PRUNE1: variants seen among roughly 807,000 people sequenced by gnomAD.
PRUNE1 encodes the protein prune exopolyphosphatase 1.
Under a neutral mutation model 42.5 loss-of-function variants are expected in PRUNE1, and 25 were observed. That is an observed-to-expected ratio of 0.59 (90% CI 0.43 to 0.82). The LOEUF is 0.82. Ranked by LOEUF, PRUNE1 falls within the 40% of genes least tolerant of loss-of-function variation. The pLI is 0.00. For missense variants in PRUNE1, 443 were observed against 539.3 expected, an observed-to-expected ratio of 0.82 and a Z score of 1.77; for synonymous variants, 203 against 217.1, an observed-to-expected ratio of 0.93 and a Z score of 0.57.
chr1:151,029,431 A>G (rs1675095822), intron 7 of PRUNE1, among the ~76,000 whole-genome samples: 3 of 147,696 alleles, frequency 2.0e-5, no homozygotes, highest in East Asian at 4.0e-4. Flanking sequence ...GCAGTGGCAC[A>G]ATCTCGGCTC....
At position 151,017,904 on chromosome 1, in the gene PRUNE1, G is replaced by T; in HGVS notation, c.132G>T (p.Lys44Asn). Reference protein sequence around the residue: ...SALALAFYLAKTTEAEEVFVP... With the variant: ...SALALAFYLANTTEAEEVFVP... The stretch of plus-strand genomic sequence containing the variant: ...TTGCCCTGGCTTTTTACCTAGCAAA[G>T]GTGGGTAAAAAAACGTAGTACCTAG... Residue 44 changes from lysine (K) to asparagine (N), a missense_variant and splice_region_variant, in exon 2 of 8, where the codon AAG (lysine) becomes AAT (asparagine). Transcript: ENST00000271620. 1 of 1,568,256 alleles carries T rather than the reference G, an allele frequency of 6.4e-7. No individual in the cohort carries two copies. The highest frequency in any genetic ancestry group is 8.8e-7 in the Non-Finnish European group (1 of 1,138,852).
At chr1:151,025,158 T>A (rs1571801062) in intron 4 of PRUNE1, among the ~76,000 whole-genome samples, 1 of 150,150 alleles carries the variant, frequency 6.7e-6, no homozygotes, top group Non-Finnish European at 1.5e-5. Flanking sequence ...TTTCCACTTG[T>A]AAAAAAAAAG....
chr1:151,011,420 A>G (rs1218220579), intron 1 of PRUNE1, among the ~76,000 whole-genome samples: 1 of 152,102 alleles, frequency 6.6e-6, no homozygotes, highest in Non-Finnish European at 1.5e-5. Flanking sequence ...GCTGCATTGC[A>G]GTTTAGGTGT....
At chr1:151,026,535 G>A (rs920397302) in intron 5 of PRUNE1, among the ~76,000 whole-genome samples, 1 of 152,064 alleles carries the variant, frequency 6.6e-6, no homozygotes, top group African/African-American at 2.4e-5. Context: ...TATGCTGAGA[G>A]TATACTAAAT....
Position 151,028,902 on chromosome 1 carries a change from G to T in PRUNE1, c.891G>T (p.Arg297=), listed in dbSNP as rs763835711. The change falls in exon 7 of 8, where the codon CGG becomes CGT. Residue 297 remains arginine, a synonymous_variant. Transcript: ENST00000271620. ...IFFNTHNEPV[R]QLAIFCPHVA... Reference sequence around the variant, plus strand: ...TCAACACTCACAATGAGCCAGTGCGGCAGTTGGCTATTTTCTGTCCCCATG... The same window carrying T: ...TCAACACTCACAATGAGCCAGTGCGTCAGTTGGCTATTTTCTGTCCCCATG... 35 of 1,613,756 alleles carry T rather than the reference G, an allele frequency of 2.2e-5. 1 individual carries two copies. In the South Asian group the frequency reaches 3.4e-4, roughly 16 times the overall value.
chr1:151,014,424 G>C (rs142195036), intron 1 of PRUNE1, among the ~76,000 whole-genome samples: 2 of 152,154 alleles, frequency 1.3e-5, no homozygotes, highest in Non-Finnish European at 2.9e-5. Context: ...AGGAGATGGC[G>C]ACGAGGGTGG....
chr1:151,013,745 AGCAAGTTATTTCT>A (rs1189921106), intron 1 of PRUNE1, among the ~76,000 whole-genome samples: 1 of 152,162 alleles, frequency 6.6e-6, no homozygotes, highest in Non-Finnish European at 1.5e-5. Context: ...TGCTTCAGTG[AGCAAGTTATTTCT>A]GCAGCCTCTT....
intron 1 of PRUNE1, among the ~76,000 whole-genome samples, chr1:151,017,592 T>A (rs7518117): frequency 2.0e-5 from 3 of 151,994 alleles, no homozygotes; most frequent in African/African-American, 7.3e-5. Flanking sequence ...AAAAATTAGC[T>A]GGGCATGGTG....
At position 151,034,461 on chromosome 1, in the gene PRUNE1, A is replaced by G; in HGVS notation, c.*227A>G. 1.9e-6 allele frequency: 1 copy of G among 521,776 alleles called. No homozygotes were observed. The highest frequency in any genetic ancestry group is 3.4e-6 in the Non-Finnish European group (1 of 292,262). 32.3% of individuals were successfully genotyped at this position (521,776 alleles called of 1,614,324 possible). ...CAATCAGACACATTTTATTATTTAA[A>G]TCTGCACCTCTCTCTATTTTATTTG... is the stretch of plus-strand genomic sequence containing the variant. On this transcript the variant is annotated 3_prime_UTR_variant, in exon 8 of 8. Coordinates refer to ENST00000271620, the MANE Select transcript of PRUNE1 (RefSeq NM_021222.3).
At chr1:151,021,730 T>C (rs2102917999) in intron 3 of PRUNE1, among the ~76,000 whole-genome samples, 1 of 152,104 alleles carries the variant, frequency 6.6e-6, no homozygotes, top group African/African-American at 2.4e-5. Context: ...TTTCTTTTTT[T>C]TTTTTGAGAC....
chr1:151,012,357 T>C (rs1003212348), intron 1 of PRUNE1, among the ~76,000 whole-genome samples: 1 of 152,206 alleles, frequency 6.6e-6, no homozygotes, highest in African/African-American at 2.4e-5. Flanking sequence ...CACACACGGT[T>C]TGCCCAGGGC....
At chr1:151,028,966 A>G (rs748497638) in intron 7 of PRUNE1, 22 bp downstream of exon 7, 3 of 1,598,806 alleles carry the variant, frequency 1.9e-6, no homozygotes, top group South Asian at 2.2e-5. Flanking sequence ...TCCCTTCTCC[A>G]ACCTAAGAGC....
intron 1 of PRUNE1, among the ~76,000 whole-genome samples, chr1:151,013,241 C>A (rs913282931): frequency 6.6e-6 from 1 of 152,084 alleles, no homozygotes; most frequent in Non-Finnish European, 1.5e-5. Flanking sequence ...TCATGGTTTG[C>A]GGGTGGTGAA....
At chr1:151,027,115 T>G (rs1674893743) in intron 5 of PRUNE1, 118 bp from the exon 6 acceptor site, 4 of 618,322 alleles carry the variant, frequency 6.5e-6, no homozygotes, top group Non-Finnish European at 8.6e-6. Context: ...TCTCCCCCAT[T>G]CATTGCCCCA....
Position 151,033,853 on chromosome 1 carries a change from C to T in PRUNE1, c.981C>T (p.Thr327=), listed in dbSNP as rs990444457. 6.2e-7 allele frequency: 1 copy of T among 1,613,854 alleles called. No individual in the cohort carries two copies. The highest frequency in any genetic ancestry group is 8.5e-7 in the Non-Finnish European group (1 of 1,179,956). The part of the protein sequence containing the change: ...ERSHSPPLKL[T]PASSTHPNLH... Reference sequence around the variant, plus strand: ...CCCACTCTCCACCCCTGAAGCTGACCCCTGCCTCAAGTACCCACCCTAACC... The same window carrying T: ...CCCACTCTCCACCCCTGAAGCTGACTCCTGCCTCAAGTACCCACCCTAACC... Residue 327 remains threonine (T), a synonymous_variant, in exon 8 of 8, where the codon ACC becomes ACT. Transcript: ENST00000271620.
chr1:151,015,018 C>A (rs187514910), intron 1 of PRUNE1, among the ~76,000 whole-genome samples: 1 of 152,138 alleles, frequency 6.6e-6, no homozygotes, highest in East Asian at 1.9e-4. Flanking sequence ...ATGGTAAAAC[C>A]CCATCTCTAC....
At chr1:151,029,052 A>T in intron 7 of PRUNE1, 108 bp downstream of exon 7, 1 of 1,141,278 alleles carries the variant, frequency 8.8e-7, no homozygotes, top group South Asian at 1.7e-5. Context: ...TCTTATATTA[A>T]TGTACTTACA....
intron 3 of PRUNE1, among the ~76,000 whole-genome samples, chr1:151,024,136 G>A (rs587726643): frequency 1.3e-4 from 19 of 148,236 alleles, no homozygotes; most frequent in African/African-American, 4.0e-4. Context: ...TGCAGGAGCC[G>A]AGATCGTGCC....
intron 7 of PRUNE1, among the ~76,000 whole-genome samples, chr1:151,030,599 T>G (rs749297467): frequency 1.3e-5 from 2 of 152,150 alleles, no homozygotes; most frequent in Non-Finnish European, 2.9e-5. Flanking sequence ...CAGTCAGTTC[T>G]CCCACCTCAG....
Sources: gnomAD v4.1 joint callset for allele counts (sites outside exome capture counted in the v4.1 genomes callset) on GRCh38, gnomAD v4.1.1 for gene constraint, MANE v1.5 for transcripts, NCBI Gene and HGNC (gene_info 2026-07-23, HGNC 2026-07-21) for gene names.